The following MAPK10 variants were observed in gnomAD, a reference collection of about 807,000 sequenced individuals.
MAPK10 encodes JNK3 alpha protein kinase.
In MAPK10, 25 loss-of-function variants were observed where a neutral mutation model predicts 59.3. That is an observed-to-expected ratio of 0.42 (90% CI 0.31 to 0.59). The LOEUF is 0.59. Among genes scored for constraint, MAPK10 ranks in the 20% least tolerant of loss-of-function variants. The probability of loss-of-function intolerance (pLI) is 0.15; values close to 1 mark genes in which losing one functional copy is unlikely to be tolerated. For synonymous variants in MAPK10, 190 were observed against 200.5 expected, an observed-to-expected ratio of 0.95 and a Z score of 0.44; for missense variants, 351 against 568.9, an observed-to-expected ratio of 0.62 and a Z score of 3.90.
intron 1 of MAPK10, among the ~76,000 whole-genome samples, chr4:86,477,231 G>A (rs868275926): frequency 1.1e-4 from 17 of 152,120 alleles, no homozygotes; most frequent in Admixed American, 3.3e-4. Flanking sequence ...ACTGTCGTGG[G>A]TATTGACAGC....
intron 3 of MAPK10, among the ~76,000 whole-genome samples, chr4:86,182,652 A>G (rs965754975): frequency 2.0e-5 from 3 of 152,154 alleles, no homozygotes; most frequent in Non-Finnish European, 4.4e-5. Context: ...TTCTGCCTCT[A>G]AAAATAAATA....
At chr4:86,061,871 C>T (rs537884971) in intron 11 of MAPK10, among the ~76,000 whole-genome samples, 17 of 152,126 alleles carry the variant, frequency 1.1e-4, no homozygotes, top group East Asian at 3.9e-4. Flanking sequence ...TAAAGACATA[C>T]GGGGGTATAT....
chr4:86,346,055 G>A (rs1032649340), intron 2 of MAPK10, among the ~76,000 whole-genome samples: 1 of 152,170 alleles, frequency 6.6e-6, no homozygotes, highest in Non-Finnish European at 1.5e-5. Context: ...ATGTGTTTTG[G>A]TTCCTTAAAT....
At chr4:86,076,099 C>G (rs1298539304) in intron 9 of MAPK10, among the ~76,000 whole-genome samples, 1 of 152,100 alleles carries the variant, frequency 6.6e-6, no homozygotes, top group South Asian at 2.1e-4. Flanking sequence ...TCTCGTGGTG[C>G]GCTGCTTTTT....
At chr4:86,561,726 GTTAT>G (rs368213815) in intron 1 of MAPK10, among the ~76,000 whole-genome samples, 1 of 152,282 alleles carries the variant, frequency 6.6e-6, no homozygotes, top group Non-Finnish European at 1.5e-5. Context: ...AATTAAGGAG[GTTAT>G]TTATTCATTA....
intron 3 of MAPK10, among the ~76,000 whole-genome samples, chr4:86,167,711 C>T (rs1208035653): frequency 6.6e-6 from 1 of 152,148 alleles, no homozygotes; most frequent in Non-Finnish European, 1.5e-5. Context: ...ATGGACATAA[C>T]ATATCTCAAA....
intron 4 of MAPK10, among the ~76,000 whole-genome samples, chr4:86,132,630 C>A (rs2061216949): frequency 6.6e-6 from 1 of 152,192 alleles, no homozygotes; most frequent in African/African-American, 2.4e-5. Context: ...GCAAGCAAAG[C>A]TTCAACTGTA....
At chr4:86,089,894 T>A (rs1249457729) in intron 9 of MAPK10, among the ~76,000 whole-genome samples, 2 of 152,142 alleles carry the variant, frequency 1.3e-5, no homozygotes, top group African/African-American at 2.4e-5. Context: ...ATAAACACAG[T>A]TGCCTTATAA....
intron 2 of MAPK10, chr4:86,335,092 G>A (rs2148923026): frequency 6.6e-6 from 1 of 152,250 alleles, no homozygotes; most frequent in East Asian, 1.9e-4. Context: ...TATTATCTGG[G>A]AGAATTGACT....
intron 9 of MAPK10, among the ~76,000 whole-genome samples, chr4:86,086,435 A>G (rs188278178): frequency 1.3e-5 from 2 of 152,304 alleles, no homozygotes; most frequent in Admixed American, 1.3e-4. Context: ...AAGGATAAAT[A>G]CTTGAGGGAG....
At chr4:86,098,690 G>T in intron 8 of MAPK10, 95 bp from the exon 9 acceptor site, 3 of 1,065,188 alleles carry the variant, frequency 2.8e-6, no homozygotes, top group South Asian at 1.4e-5. Context: ...AGAACAGTTT[G>T]ATTAAAAGTA....
In MAPK10 at chr4:86,144,811, C is replaced by T. The variant is rs562347492; in HGVS notation, c.236+14487G>A. Among the ~76,000 whole-genome samples the T allele has an allele frequency of 7.9e-5, 12 of 152,130 alleles. No homozygotes were observed. In the East Asian group the frequency reaches 2.3e-3, roughly 29 times the overall value. Reference sequence around the variant, plus strand: ...ATTGCCTTGAGTAATAATACTCTGCCACTGATCCAGAAACTCCATGTTTGC... The same window carrying T: ...ATTGCCTTGAGTAATAATACTCTGCTACTGATCCAGAAACTCCATGTTTGC... On this transcript the variant is annotated intron_variant, in intron 4 of 13. Coordinates refer to ENST00000641462, the MANE Select transcript of MAPK10 (RefSeq NM_138982.4).
intron 4 of MAPK10, among the ~76,000 whole-genome samples, chr4:86,144,972 C>G (rs1354714854): frequency 6.6e-6 from 1 of 151,036 alleles, no homozygotes; most frequent in Non-Finnish European, 1.5e-5. Flanking sequence ...CTATTCCCTA[C>G]CCGGTAATAT....
In MAPK10 at chr4:86,010,889, T is replaced by G. The variant is rs774453138; in HGVS notation, c.*6339A>C. On this transcript the variant is annotated 3_prime_UTR_variant, in exon 14 of 14. Transcript: ENST00000641462. ...AGTTGCAAATGATCTGGACTGTTGG[T>G]TAAACATCGCAGACAAGATCAGGTG... 5.9e-5 allele frequency: 9 copies of G among 152,186 alleles called. No homozygotes were observed. The highest frequency in any genetic ancestry group is 1.3e-4 in the Admixed American group (2 of 15,276). The allele number at this position is 152,186 out of a possible 1,614,324, so 9.4% of individuals were successfully genotyped here.
intron 1 of MAPK10, among the ~76,000 whole-genome samples, chr4:86,511,569 A>C (rs1459809984): frequency 6.6e-6 from 1 of 151,930 alleles, no homozygotes; most frequent in East Asian, 1.9e-4. Flanking sequence ...CTTGTCTTCA[A>C]AAAAGAAAAA....
chr4:86,419,778 C>A (rs1168212980), intron 1 of MAPK10, among the ~76,000 whole-genome samples: 1 of 152,140 alleles, frequency 6.6e-6, no homozygotes, highest in African/African-American at 2.4e-5. Context: ...TCCTAGGAAT[C>A]TTTCTTATTC....
intron 2 of MAPK10, among the ~76,000 whole-genome samples, chr4:86,338,108 C>CCA (rs1215901249): frequency 6.6e-6 from 1 of 152,134 alleles, no homozygotes; most frequent in Non-Finnish European, 1.5e-5. Flanking sequence ...ACTTCCCCTC[C>CCA]CACACACACA....
At chr4:86,193,403 A>G (rs1681539246) in intron 3 of MAPK10, 2 of 152,412 alleles carry the variant, frequency 1.3e-5, no homozygotes, top group East Asian at 1.9e-4. Context: ...AGTTTCATCT[A>G]TAAGTCGCTG....
At chr4:86,334,840 A>G (rs1259806085) in intron 2 of MAPK10, among the ~76,000 whole-genome samples, 2 of 152,146 alleles carry the variant, frequency 1.3e-5, no homozygotes, top group Non-Finnish European at 2.9e-5. Context: ...ATGCAAATAA[A>G]TAATTGGAAA....
Sources: gnomAD v4.1 joint callset for allele counts (sites outside exome capture counted in the v4.1 genomes callset) on GRCh38, gnomAD v4.1.1 for gene constraint, MANE v1.5 for transcripts, NCBI Gene and HGNC (gene_info 2026-07-23, HGNC 2026-07-21) for gene names.